Variants in MCM3AP observed in about 807,000 individuals in gnomAD.
MCM3AP encodes the protein germinal-center associated nuclear protein.
MCM3AP carries 126 observed loss-of-function variants against 184.1 expected under a neutral mutation model. The observed-to-expected ratio is 0.68, with a 90% CI of 0.59 to 0.79. MCM3AP has a LOEUF of 0.79. Among genes scored for constraint, MCM3AP ranks in the 30% least tolerant of loss-of-function variants. The probability of loss-of-function intolerance (pLI) is 0.00; values close to 1 mark genes in which losing one functional copy is unlikely to be tolerated. For missense variants in MCM3AP, 2,496 were observed against 2,479.2 expected, an observed-to-expected ratio of 1.01 and a Z score of -0.14; for synonymous variants, 1,002 against 979.3, an observed-to-expected ratio of 1.02 and a Z score of -0.43.
chr21:46,256,432 C>G, intron 17 of MCM3AP: 1 of 269,938 alleles, frequency 3.7e-6, no homozygotes, highest in East Asian at 8.0e-5. Context: ...GATCGGAAGA[C>G]ACAGGCCAGC....
intron 17 of MCM3AP, chr21:46,256,546 G>A (rs1186864201): frequency 2.9e-5 from 16 of 552,868 alleles, no homozygotes; most frequent in Non-Finnish European, 4.5e-5. Context: ...GCACCAGGAC[G>A]CTGAGTCTTT....
In MCM3AP at chr21:46,285,201, G is replaced by A. The variant is rs775044523; in HGVS notation, c.86C>T (p.Pro29Leu). The change falls in exon 1 of 28, where the codon CCG becomes CTG. Residue 29 changes from proline to leucine, a missense_variant. By Grantham distance (98) the Pro-to-Leu change is moderately conservative. Coordinates refer to ENST00000291688, the MANE Select transcript of MCM3AP (RefSeq NM_003906.5). The part of the protein sequence containing the change: ...SSNVGTLPSK[P>L]PFRFGQPSLF... ...AGAAGGTTGACCAAATCGAAATGGCGGCTTAGATGGAAGTGTTCCTACATT... is the reference window on the plus strand; with the variant it reads ...AGAAGGTTGACCAAATCGAAATGGCAGCTTAGATGGAAGTGTTCCTACATT... 3.7e-6 allele frequency: 6 copies of A among 1,614,210 alleles called. No homozygotes were observed. Among genetic ancestry groups the A allele is most frequent in the South Asian group, 2.2e-5 (2 of 91,088 alleles).
At position 46,246,390 on chromosome 21, in the gene MCM3AP, C is replaced by T; in HGVS notation, c.4564G>A (p.Asp1522Asn). The T allele has an allele frequency of 1.2e-6, 2 of 1,607,866 alleles. No individual in the cohort carries two copies. The highest frequency in any genetic ancestry group is 1.7e-6 in the Non-Finnish European group (2 of 1,174,304). ...KEVEDGLMLQ[D>N]LVSAKLISDY... is the part of the protein sequence containing the mutation. The stretch of plus-strand genomic sequence containing the variant: ...GAAATCAGCTTAGCTGAAACCAAGT[C>T]CTGTAGCATCAGACCTTTAAGACAG... The change falls in exon 22 of 28, where the codon GAC becomes AAC. Residue 1522 changes from aspartate to asparagine, a missense_variant. Physicochemically the swap from Asp to Asn is conservative, Grantham distance 23. This residue lies in a region of MCM3AP where 1,323 missense variants were observed against 1,273.4 expected (regional missense o/e 1.04). Coordinates refer to ENST00000291688, the MANE Select transcript of MCM3AP (RefSeq NM_003906.5).
At chr21:46,257,748 A>G (rs1449441499) in intron 16 of MCM3AP, among the ~76,000 whole-genome samples, 3 of 151,790 alleles carry the variant, frequency 2.0e-5, no homozygotes, top group African/African-American at 4.8e-5. Context: ...GTGAAACCCC[A>G]TCTCTACTAA....
In MCM3AP at chr21:46,246,859, C is replaced by T. The variant is rs1159533166; in HGVS notation, c.4318G>A (p.Ala1440Thr). The T allele has an allele frequency of 4.3e-6, 7 of 1,613,964 alleles. No homozygotes were observed. Among genetic ancestry groups the T allele is most frequent in the African/African-American group, 4.0e-5 (3 of 74,898 alleles). Residue 1440 changes from alanine to threonine, a missense_variant, in exon 21 of 28, where the codon GCC (alanine) becomes ACC (threonine). Transcript: ENST00000291688. ...KVAHGALSDG[A>T]IDAVETQKDL... ...TTCTGTGTCTCCACAGCATCAATGG[C>T]ACCATCACTGAGGGCGCCATGGGCC... is the stretch of plus-strand genomic sequence containing the variant.
intron 23 of MCM3AP, 40 bp downstream of exon 23, chr21:46,244,767 C>T: frequency 2.6e-6 from 4 of 1,557,752 alleles, no homozygotes; most frequent in Non-Finnish European, 3.5e-6. Context: ...TGAGACTTGG[C>T]TGCAGCCACC....
At chr21:46,246,067 A>G (rs1357425721) in intron 22 of MCM3AP, among the ~76,000 whole-genome samples, 1 of 152,232 alleles carries the variant, frequency 6.6e-6, no homozygotes, top group Non-Finnish European at 1.5e-5. Context: ...AACTGCTGCC[A>G]GGCGCAGTGG....
chr21:46,283,529 C>T, intron 2 of MCM3AP, 86 bp downstream of exon 2: 1 of 836,182 alleles, frequency 1.2e-6, no homozygotes, highest in East Asian at 2.5e-5. Flanking sequence ...AGTAAGCAAA[C>T]AACTGAGGGA....
At position 46,246,721 on chromosome 21, in the gene MCM3AP, G is replaced by A; in HGVS notation, c.4456C>T (p.Leu1486Phe). The A allele has an allele frequency of 6.2e-7, 1 of 1,614,242 alleles. No homozygotes were observed. The highest frequency in any genetic ancestry group is 8.5e-7 in the Non-Finnish European group (1 of 1,180,042). The change falls in exon 21 of 28, where the codon CTC (leucine) becomes TTC (phenylalanine). Residue 1486 changes from leucine (L) to phenylalanine (F), a missense_variant. By Grantham distance (22) the Leu-to-Phe change is conservative. This residue lies in a region of MCM3AP where 1,323 missense variants were observed against 1,273.4 expected (regional missense o/e 1.04). Transcript: ENST00000291688. ...GGCTGGAAGGGCTTAGCCTGCAGGAGCTGCTTGAGCTGCAGCAAGGCCGAC... is the reference window on the plus strand; with the variant it reads ...GGCTGGAAGGGCTTAGCCTGCAGGAACTGCTTGAGCTGCAGCAAGGCCGAC... Reference protein sequence around the residue: ...WLSALLQLKQLLQAKPFQPAL... With the variant: ...WLSALLQLKQFLQAKPFQPAL...
chr21:46,237,254 A>G (rs1428873632), intron 26 of MCM3AP, among the ~76,000 whole-genome samples: 1 of 151,854 alleles, frequency 6.6e-6, no homozygotes, highest in African/African-American at 2.4e-5. Context: ...GGCAAGTGCC[A>G]CTGTGCCCAG....
chr21:46,243,455 C>T lies in MCM3AP; in HGVS notation c.5296+10G>A, dbSNP rs2080708597. ...GAGGAGCTGATCCCATTGCATCAAG[C>T]TCTAATTACCTGATGTAACAGGAAG... On this transcript the variant is annotated intron_variant, in intron 24 of 27. Coordinates refer to ENST00000291688, the MANE Select transcript of MCM3AP (RefSeq NM_003906.5). 1.3e-6 allele frequency: 2 copies of T among 1,593,816 alleles called. No individual in the cohort carries two copies. Among genetic ancestry groups the T allele is most frequent in the South Asian group, 1.1e-5 (1 of 87,906 alleles).
intron 9 of MCM3AP, among the ~76,000 whole-genome samples, chr21:46,269,215 G>A (rs1200873320): frequency 3.9e-5 from 6 of 151,964 alleles, no homozygotes; most frequent in African/African-American, 1.5e-4. Flanking sequence ...CTGGGCTCAA[G>A]CGATCCTCCC....
chr21:46,241,149 T>C (rs1376602679), intron 25 of MCM3AP, 132 bp from the exon 26 acceptor site: 1 of 696,832 alleles, frequency 1.4e-6, no homozygotes, highest in Non-Finnish European at 2.5e-6. Context: ...TGTGCCCTCC[T>C]GGAACAGCTC....
intron 4 of MCM3AP, 27 bp downstream of exon 4, chr21:46,279,966 A>G (rs757888814): frequency 2.5e-6 from 4 of 1,592,122 alleles, no homozygotes; most frequent in Non-Finnish European, 3.4e-6. Context: ...CTTCCGGAAT[A>G]AGGTCATTAG....
chr21:46,275,932 A>G (rs1352838896), intron 5 of MCM3AP, among the ~76,000 whole-genome samples: 1 of 152,156 alleles, frequency 6.6e-6, no homozygotes, highest in Admixed American at 6.5e-5. Context: ...CTCAAAATAT[A>G]TACTTATTGT....
At position 46,243,313 on chromosome 21, in the gene MCM3AP, T is replaced by G; in HGVS notation, c.5296+152A>C. On this transcript the variant is annotated intron_variant, in intron 24 of 27. Transcript: ENST00000291688. ...ACTTCCTAGCCTGTCTCAATGTTTT[T>G]AAGTCACTCACTTGAAGAGGGAAGT... The G allele has an allele frequency of 3.1e-6, 3 of 954,758 alleles. No homozygotes were observed. The South Asian group carries it at 4.9e-5, about 16-fold the overall frequency. The allele number at this position is 954,758 out of a possible 1,614,324, so 59.1% of individuals were successfully genotyped here.
chr21:46,261,057 C>G, intron 14 of MCM3AP, 151 bp from the exon 15 acceptor site: 1 of 820,858 alleles, frequency 1.2e-6, no homozygotes, highest in Non-Finnish European at 1.9e-6. Flanking sequence ...CACCACCTCC[C>G]TTCCCCTGCC....
intron 6 of MCM3AP, among the ~76,000 whole-genome samples, chr21:46,273,970 G>A (rs113832405): frequency 5.3e-5 from 8 of 152,380 alleles, no homozygotes; most frequent in African/African-American, 1.7e-4. Context: ...GAGACAGGCG[G>A]TGAGGACTGC....
At chr21:46,242,993 AAAAAAACACACAC>A in intron 24 of MCM3AP, 62 bp from the exon 25 acceptor site, 2 of 1,414,816 alleles carry the variant, frequency 1.4e-6, no homozygotes, top group Non-Finnish European at 1.9e-6. Context: ...CTCAAAAAAA[AAAAAAACACACAC>A]AAAAAAACAA....
Sources: allele counts gnomAD v4.1 joint callset (sites outside exome capture counted in the v4.1 genomes callset), GRCh38; gene constraint gnomAD v4.1.1; regional missense constraint gnomAD v4.1.1; transcripts MANE v1.5; gene names NCBI Gene and HGNC (gene_info 2026-07-23, HGNC 2026-07-21).